FAM13B: variants seen among roughly 807,000 people sequenced by gnomAD.
The protein encoded by FAM13B is family with sequence similarity 13 member B, also known as protein FAM13B.
In FAM13B, 60 loss-of-function variants were observed where a neutral mutation model predicts 117.3. The observed-to-expected ratio is 0.51, with a 90% CI of 0.42 to 0.63. The LOEUF (loss-of-function observed/expected upper bound fraction) is 0.63. Ranked by LOEUF, FAM13B falls within the 30% of genes least tolerant of loss-of-function variation. FAM13B has a pLI of 0.00. For missense variants in FAM13B, 972 were observed against 1,091.9 expected, an observed-to-expected ratio of 0.89 and a Z score of 1.55; for synonymous variants, 332 against 356.1, an observed-to-expected ratio of 0.93 and a Z score of 0.76.
At chr5:138,031,126 T>C (rs2151079954) in intron 1 of FAM13B, among the ~76,000 whole-genome samples, 1 of 152,298 alleles carries the variant, frequency 6.6e-6, no homozygotes, top group East Asian at 1.9e-4. Context: ...TGGATTGAGG[T>C]TATTCATAAC....
chr5:137,971,500 G>A (rs1334813145), intron 10 of FAM13B, among the ~76,000 whole-genome samples: 2 of 146,556 alleles, frequency 1.4e-5, no homozygotes, highest in African/African-American at 5.0e-5. Context: ...ATGTCCACAA[G>A]AGAAAGCAGG....
intron 9 of FAM13B, among the ~76,000 whole-genome samples, chr5:137,986,378 C>A (rs1259857052): frequency 6.7e-6 from 1 of 148,616 alleles, no homozygotes. Context: ...TTTTTTTTTC[C>A]TTTACCTTCC....
At chr5:138,002,299 C>T (rs1005050950) in intron 7 of FAM13B, among the ~76,000 whole-genome samples, 6 of 152,094 alleles carry the variant, frequency 3.9e-5, no homozygotes, top group Non-Finnish European at 8.8e-5. Flanking sequence ...AAGGCCGAGA[C>T]GGGTGGATCA....
At chr5:137,950,772 A>G (rs945821551) in intron 17 of FAM13B, among the ~76,000 whole-genome samples, 6 of 152,208 alleles carry the variant, frequency 3.9e-5, no homozygotes, top group African/African-American at 1.4e-4. Context: ...TAGGAGGCCA[A>G]TGCTAGACAA....
chr5:138,012,905 CA>C (rs558718694), intron 4 of FAM13B, among the ~76,000 whole-genome samples: 1,964 of 143,280 alleles, frequency 0.014, 28 homozygotes, highest in African/African-American at 0.042. Context: ...TATGTTGATT[CA>C]AAAAAAAAAA....
At chr5:138,019,956 G>A (rs189458848) in intron 2 of FAM13B, 65 of 913,000 alleles carry the variant, frequency 7.1e-5, no homozygotes, top group Non-Finnish European at 8.2e-5. Context: ...TGGGATTACA[G>A]GCGTTAGCCA....
chr5:137,977,126 T>C (rs925048847), intron 10 of FAM13B, among the ~76,000 whole-genome samples: 1 of 152,176 alleles, frequency 6.6e-6, no homozygotes, highest in Non-Finnish European at 1.5e-5. Flanking sequence ...CCATCTTCTA[T>C]GGTCAAGACT....
intron 11 of FAM13B, among the ~76,000 whole-genome samples, chr5:137,961,455 C>T (rs1768096258): frequency 6.6e-6 from 1 of 152,118 alleles, no homozygotes; most frequent in African/African-American, 2.4e-5. Context: ...CCCATAGCTC[C>T]AATACTTCCT....
intron 10 of FAM13B, among the ~76,000 whole-genome samples, chr5:137,970,477 G>A (rs1771743450): frequency 6.6e-6 from 1 of 151,766 alleles, no homozygotes; most frequent in Non-Finnish European, 1.5e-5. Flanking sequence ...ACATGGAAAG[G>A]AACAACCGGT....
chr5:137,942,715 T>C, intron 22 of FAM13B, 160 bp downstream of exon 22: 4 of 598,876 alleles, frequency 6.7e-6, no homozygotes, highest in Non-Finnish European at 1.1e-5. Flanking sequence ...AAAATGGGAA[T>C]GACAATAAAT....
At position 137,949,010 on chromosome 5, in the gene FAM13B, A is replaced by G. The variant is rs2150175948; in HGVS notation, c.2105T>C (p.Ile702Thr). ...ACGTTTTTCTTTCAGTCTTTTAAGA[A>G]TAAGTTCAAGGGTTGCTTCTTTAGA... Reference protein sequence around the residue: ...KPSKEATLELILKRLKEKRIE... With the variant: ...KPSKEATLELTLKRLKEKRIE... The change falls in exon 18 of 24, where the codon ATT (isoleucine) becomes ACT (threonine). Residue 702 changes from isoleucine (I) to threonine (T), a missense_variant. Coordinates refer to ENST00000689681, the MANE Select transcript of FAM13B (RefSeq NM_001385994.1). The G allele has an allele frequency of 6.8e-6, 11 of 1,614,016 alleles. No individual in the cohort carries two copies. Among genetic ancestry groups the G allele is most frequent in the East Asian group, 2.2e-5 (1 of 44,870 alleles).
chr5:137,961,591 A>G (rs1261412839), intron 11 of FAM13B, among the ~76,000 whole-genome samples: 2 of 152,204 alleles, frequency 1.3e-5, no homozygotes, highest in Admixed American at 1.3e-4. Flanking sequence ...GCTTACCCTT[A>G]AAGAACAGGC....
At chr5:138,007,441 T>C (rs1282500427) in intron 6 of FAM13B, among the ~76,000 whole-genome samples, 1 of 152,220 alleles carries the variant, frequency 6.6e-6, no homozygotes, top group East Asian at 1.9e-4. Context: ...CTGTAAGGTA[T>C]AGTTAACATT....
rs1219640856 is a variant in FAM13B, at chr5:138,032,993, C to T, written c.-414G>A. 4.1e-6 allele frequency: 4 copies of T among 986,352 alleles called. No homozygotes were observed. The highest frequency in any genetic ancestry group is 4.8e-6 in the Non-Finnish European group (4 of 830,738). The allele number at this position is 986,352 out of a possible 1,614,324, so 61.1% of individuals were successfully genotyped here. On this transcript the variant is annotated 5_prime_UTR_variant, in exon 1 of 24. Transcript: ENST00000689681. ...GATACCCCCGGCGGTGGTGGCGACG[C>T]AGACGCGGAACAGGGGGAGAGAGTG...
At chr5:138,025,143 C>CCA in intron 1 of FAM13B, among the ~76,000 whole-genome samples, 1 of 151,566 alleles carries the variant, frequency 6.6e-6, no homozygotes. Context: ...CAGGCATGAG[C>CCA]CACCACTCCC....
At chr5:138,048,060 T>G (rs978557022) in intron 1 of FAM13B, among the ~76,000 whole-genome samples, 12 of 151,522 alleles carry the variant, frequency 7.9e-5, no homozygotes, top group African/African-American at 2.4e-4. Flanking sequence ...CCTTTTAAAA[T>G]AGAAAGAAAG....
intron 4 of FAM13B, among the ~76,000 whole-genome samples, chr5:138,017,099 G>A (rs569725091): frequency 2.2e-4 from 33 of 152,172 alleles, no homozygotes; most frequent in Non-Finnish European, 3.8e-4. Context: ...ATAACATTTC[G>A]TTTTAAAACC....
At chr5:137,980,761 C>T (rs1402422995) in intron 10 of FAM13B, among the ~76,000 whole-genome samples, 11 of 152,038 alleles carry the variant, frequency 7.2e-5, no homozygotes, top group Non-Finnish European at 1.5e-4. Context: ...TTTCATTCAA[C>T]AAATTATTTA....
chr5:137,963,463 T>G (rs1164174173), intron 10 of FAM13B, among the ~76,000 whole-genome samples: 5 of 152,260 alleles, frequency 3.3e-5, no homozygotes, highest in African/African-American at 1.2e-4. Context: ...TAATGTTTTT[T>G]AAATTTACCA....
Sources: allele counts gnomAD v4.1 joint callset (sites outside exome capture counted in the v4.1 genomes callset), GRCh38; gene constraint gnomAD v4.1.1; transcripts MANE v1.5; gene names NCBI Gene and HGNC (gene_info 2026-07-23, HGNC 2026-07-21).